GANC: variants seen among roughly 807,000 people sequenced by gnomAD.
GANC encodes neutral alpha-glucosidase C.
In GANC, 117 loss-of-function variants were observed where a neutral mutation model predicts 124.2. The ratio of observed to expected loss-of-function variants is 0.94; its 90% CI spans 0.81 to 1.10. The LOEUF is 1.10. Among genes scored for constraint, GANC ranks in the 50% least tolerant of loss-of-function variants. The pLI, the probability that GANC is intolerant of heterozygous loss-of-function variation, is 0.00. For missense variants in GANC, 1,140 were observed against 1,095.0 expected (o/e 1.04, Z -0.58); for synonymous variants, 377 against 376.8 (o/e 1.00, Z -0.01).
intron 11 of GANC, among the ~76,000 whole-genome samples, chr15:42,325,613 G>A (rs909597637): frequency 1.3e-5 from 2 of 151,658 alleles, no homozygotes; most frequent in African/African-American, 2.4e-5. Context: ...TGTCTAGGGA[G>A]CAGGTACCCT....
rs934711880 is a variant in GANC, at chr15:42,288,261, CACTT to C, written c.329+445_329+448del. Among the ~76,000 whole-genome samples the C allele has an allele frequency of 1.3e-4, 20 of 152,284 alleles. No individual in the cohort carries two copies. In the South Asian group the frequency reaches 1.4e-3, roughly 11 times the overall value. On this transcript the variant is annotated intron_variant, in intron 4 of 23. Transcript: ENST00000318010. ...AGTAATTTATACTATTGGACGGACTCACTTAATTAAGGTTATTCTCAGAAGTCTA... is the reference window on the plus strand; with the variant it reads ...AGTAATTTATACTATTGGACGGACTCAATTAAGGTTATTCTCAGAAGTCTA...
chr15:42,321,047 A>G (rs989928826), intron 10 of GANC, among the ~76,000 whole-genome samples: 19 of 152,204 alleles, frequency 1.2e-4, no homozygotes, highest in Admixed American at 7.2e-4. Context: ...GGGGAAGGAG[A>G]TACATGCAAG....
chr15:42,286,472 G>C (rs1308371278), intron 3 of GANC, among the ~76,000 whole-genome samples: 1 of 152,154 alleles, frequency 6.6e-6, no homozygotes, highest in Admixed American at 6.5e-5. Context: ...TTTGTACTTG[G>C]ACATATTTCC....
At chr15:42,297,716 T>C in intron 6 of GANC, 60 bp downstream of exon 6, 1 of 1,225,094 alleles carries the variant, frequency 8.2e-7, no homozygotes, top group Non-Finnish European at 1.2e-6. Context: ...TGATAGGGCA[T>C]ATAAGGAATT....
chr15:42,282,971 T>G (rs2051748845), intron 3 of GANC, among the ~76,000 whole-genome samples: 1 of 152,220 alleles, frequency 6.6e-6, no homozygotes, highest in South Asian at 2.1e-4. Flanking sequence ...ATAAGGGCAC[T>G]AATCCATTCC....
chr15:42,306,321 A>G (rs2051994924), intron 6 of GANC, among the ~76,000 whole-genome samples: 1 of 152,236 alleles, frequency 6.6e-6, no homozygotes, highest in African/African-American at 2.4e-5. Flanking sequence ...TTACCACAAT[A>G]AAAAACATAT....
At chr15:42,291,918 A>G (rs1164764291) in intron 4 of GANC, among the ~76,000 whole-genome samples, 1 of 152,210 alleles carries the variant, frequency 6.6e-6, no homozygotes, top group Non-Finnish European at 1.5e-5. Flanking sequence ...CCAGATCCTA[A>G]GCATCTTGCT....
At chr15:42,345,213 T>TAA (rs768174264) in intron 19 of GANC, among the ~76,000 whole-genome samples, 3 of 144,434 alleles carry the variant, frequency 2.1e-5, no homozygotes, top group South Asian at 2.2e-4. Flanking sequence ...GTGCTTTGTT[T>TAA]AAAAAAAAAA....
intron 4 of GANC, among the ~76,000 whole-genome samples, chr15:42,289,722 A>G (rs1201157023): frequency 6.6e-6 from 1 of 152,190 alleles, no homozygotes; most frequent in Non-Finnish European, 1.5e-5. Context: ...AGAATGGGAT[A>G]CTACTGTTAC....
intron 2 of GANC, chr15:42,278,061 C>A (rs2051693464): frequency 2.5e-6 from 1 of 392,160 alleles, no homozygotes; most frequent in Non-Finnish European, 5.3e-6. Context: ...GAACAGGTAT[C>A]TAGAGGGAAG....
chr15:42,342,761 T>G (rs905846104), intron 18 of GANC, among the ~76,000 whole-genome samples: 1 of 152,186 alleles, frequency 6.6e-6, no homozygotes, highest in Non-Finnish European at 1.5e-5. Context: ...TGGGGGTGCT[T>G]TGACTACTGA....
In GANC at chr15:42,273,555, G is replaced by C. The variant is rs559472323; in HGVS notation, c.-927G>C. The C allele has an allele frequency of 1.5e-6, 2 of 1,318,510 alleles. No homozygotes were observed. Among genetic ancestry groups the C allele is most frequent in the East Asian group, 2.5e-5 (1 of 39,500 alleles). 81.7% of individuals were successfully genotyped at this position (1,318,510 alleles called of 1,614,324 possible). ...GTAGCGGCCCCTCTCTCAGACAGTC[G>C]TCTGTGCGCCGTGAGACTTTGGACC... On this transcript the variant is annotated 5_prime_UTR_variant, in exon 1 of 24. Transcript: ENST00000318010.
chr15:42,297,743 C>T, intron 6 of GANC, 87 bp downstream of exon 6: 8 of 907,386 alleles, frequency 8.8e-6, no homozygotes, highest in African/African-American at 1.7e-5. Flanking sequence ...CTTCCTTCTA[C>T]AGAAGGGTGC....
chr15:42,345,683 A>T (rs944243635), intron 19 of GANC, 75 bp from the exon 20 acceptor site: 3 of 794,310 alleles, frequency 3.8e-6, no homozygotes, highest in Non-Finnish European at 6.4e-6. Flanking sequence ...AGGTAAGTGG[A>T]TATTTTGCTG....
At chr15:42,347,906 A>G (rs987973982) in intron 20 of GANC, among the ~76,000 whole-genome samples, 197 bp from the exon 21 acceptor site, 1 of 152,270 alleles carries the variant, frequency 6.6e-6, no homozygotes, top group Middle Eastern at 3.4e-3. Flanking sequence ...TAAAAAGTGG[A>G]CCATTCTTCA....
At chr15:42,305,322 C>CA (rs536764226) in intron 6 of GANC, among the ~76,000 whole-genome samples, 144 of 152,322 alleles carry the variant, frequency 9.5e-4, no homozygotes, top group African/African-American at 3.2e-3. Flanking sequence ...GAAAAGAAGA[C>CA]ATTTATGTGG....
intron 6 of GANC, among the ~76,000 whole-genome samples, chr15:42,301,692 G>T (rs2051947481): frequency 6.6e-6 from 1 of 152,174 alleles, no homozygotes. Flanking sequence ...CATCACTGAG[G>T]CTTGAGTAGG....
At chr15:42,319,818 A>C (rs550004151) in intron 10 of GANC, among the ~76,000 whole-genome samples, 13 of 152,330 alleles carry the variant, frequency 8.5e-5, no homozygotes, top group African/African-American at 2.9e-4. Context: ...TGAGCATCCC[A>C]ATCTGAAAAT....
chr15:42,292,864 A>G lies in GANC; in HGVS notation c.459A>G (p.Ile153Met), dbSNP rs75876980. 3.0e-3 allele frequency: 4,817 copies of G among 1,614,138 alleles called. 126 individuals are homozygous for G. The African/African-American group carries it at 0.059, about 20-fold the overall frequency. ...CTGAAGAAGAGGTTGTGATTAGCATAAATTCCCTGGGCCAATTATACTTTG... is the reference window on the plus strand; with the variant it reads ...CTGAAGAAGAGGTTGTGATTAGCATGAATTCCCTGGGCCAATTATACTTTG... ...LVSEEEVVISINSLGQLYFEH... is the reference protein window; with the variant it reads ...LVSEEEVVISMNSLGQLYFEH... Residue 153 changes from isoleucine (I) to methionine (M), a missense_variant, in exon 5 of 24, where the codon ATA (isoleucine) becomes ATG (methionine). Transcript: ENST00000318010.
Sources: allele counts gnomAD v4.1 joint callset (sites outside exome capture counted in the v4.1 genomes callset), GRCh38; gene constraint gnomAD v4.1.1; transcripts MANE v1.5; gene names NCBI Gene and HGNC (gene_info 2026-07-23, HGNC 2026-07-21).